The following NKAIN3 variants were observed in gnomAD, a reference collection of about 807,000 sequenced individuals.
NKAIN3 encodes the protein sodium/potassium transporting ATPase interacting 3, also known as sodium/potassium-transporting ATPase subunit beta-1-interacting protein 3.
Under a neutral mutation model 30.2 loss-of-function variants are expected in NKAIN3, and 25 were observed. That is an observed-to-expected ratio of 0.83 (90% CI 0.60 to 1.16). The LOEUF is 1.16. NKAIN3 is among the 50% of genes most tolerant of loss of function. The pLI, the probability that NKAIN3 is intolerant of heterozygous loss-of-function variation, is 0.00. For synonymous variants in NKAIN3, 91 were observed against 89.6 expected, an observed-to-expected ratio of 1.02 and a Z score of -0.09; for missense variants, 225 against 254.1, an observed-to-expected ratio of 0.89 and a Z score of 0.78.
chr8:62,559,276 T>A (rs1293252722), intron 1 of NKAIN3, among the ~76,000 whole-genome samples: 1 of 151,978 alleles, frequency 6.6e-6, no homozygotes, highest in Admixed American at 6.6e-5. Context: ...CATAATACAC[T>A]CATTTTTAGC....
chr8:62,507,090 A>G (rs1215737140), intron 1 of NKAIN3, among the ~76,000 whole-genome samples: 12 of 152,192 alleles, frequency 7.9e-5, no homozygotes. Flanking sequence ...CTGAATAAAG[A>G]TAATTTTATA....
chr8:62,985,020 CCCT>C (rs970469083), downstream of NKAIN3: 4 of 152,156 alleles, frequency 2.6e-5, no homozygotes, highest in African/African-American at 9.7e-5. Context: ...AGGATTACCC[CCCT>C]ATTTCATGCA....
chr8:62,795,177 G>A (rs1817823375), intron 4 of NKAIN3, among the ~76,000 whole-genome samples: 1 of 152,122 alleles, frequency 6.6e-6, no homozygotes, highest in South Asian at 2.1e-4. Flanking sequence ...CCACCAAGGA[G>A]GTCCCCCTTT....
intron 1 of NKAIN3, among the ~76,000 whole-genome samples, chr8:62,517,547 C>T (rs1327088506): frequency 6.6e-6 from 1 of 152,128 alleles, no homozygotes; most frequent in East Asian, 1.9e-4. Flanking sequence ...ACACATTTCA[C>T]TTCCACTCAT....
intron 1 of NKAIN3, among the ~76,000 whole-genome samples, chr8:62,350,021 A>G (rs1022552250): frequency 2.6e-5 from 4 of 152,194 alleles, no homozygotes; most frequent in Admixed American, 2.6e-4. Context: ...TGCATAGCTG[A>G]TGGGAATGTA....
At chr8:62,292,387 C>G (rs914794899) in intron 1 of NKAIN3, among the ~76,000 whole-genome samples, 3 of 152,116 alleles carry the variant, frequency 2.0e-5, no homozygotes, top group Admixed American at 6.5e-5. Flanking sequence ...TTGTTCCTTT[C>G]CATGTTTATT....
chr8:62,509,871 A>T (rs1012329224), intron 1 of NKAIN3, among the ~76,000 whole-genome samples: 12 of 152,276 alleles, frequency 7.9e-5, no homozygotes, highest in Admixed American at 3.3e-4. Flanking sequence ...GCATTCTATT[A>T]GGTGCAGGGA....
At chr8:62,912,234 C>A (rs974249382) in intron 4 of NKAIN3, among the ~76,000 whole-genome samples, 6 of 151,528 alleles carry the variant, frequency 4.0e-5, no homozygotes, top group Non-Finnish European at 7.4e-5. Context: ...AGTTAATAAG[C>A]CTGTATATTG....
downstream of NKAIN3, among the ~76,000 whole-genome samples, chr8:62,985,929 T>C (rs557773702): frequency 1.4e-4 from 21 of 152,338 alleles, no homozygotes; most frequent in African/African-American, 4.1e-4. Context: ...TTCATACTTT[T>C]TTTTCCATTT....
chr8:62,625,580 A>G (rs751762903), intron 3 of NKAIN3, among the ~76,000 whole-genome samples: 2 of 152,130 alleles, frequency 1.3e-5, no homozygotes, highest in Non-Finnish European at 2.9e-5. Flanking sequence ...CTCATCTGCT[A>G]ATGGGGACAA....
At chr8:62,461,019 G>C (rs1403507351) in intron 1 of NKAIN3, among the ~76,000 whole-genome samples, 1 of 152,158 alleles carries the variant, frequency 6.6e-6, no homozygotes, top group Non-Finnish European at 1.5e-5. Context: ...ACCTGTCCAG[G>C]GCTGTGCCTG....
intron 4 of NKAIN3, among the ~76,000 whole-genome samples, chr8:62,883,461 T>TTTTTTTTG (rs1563611161): frequency 6.9e-6 from 1 of 145,094 alleles, no homozygotes; most frequent in Non-Finnish European, 1.5e-5. Context: ...TTATGGGTTT[T>TTTTTTTTG]TTTTTTTTTT....
chr8:62,391,961 G>T (rs1468860653), intron 1 of NKAIN3, among the ~76,000 whole-genome samples: 20 of 151,706 alleles, frequency 1.3e-4, no homozygotes, highest in Admixed American at 1.3e-3. Context: ...ATTTATCTTT[G>T]GTGTATTAAT....
chr8:62,293,853 G>A (rs1813734716), intron 1 of NKAIN3, among the ~76,000 whole-genome samples: 1 of 152,192 alleles, frequency 6.6e-6, no homozygotes, highest in South Asian at 2.1e-4. Flanking sequence ...TACAGAGGCA[G>A]GCAGGCCTCC....
intron 2 of NKAIN3, among the ~76,000 whole-genome samples, chr8:62,588,261 G>A (rs1339185424): frequency 6.6e-6 from 1 of 151,694 alleles, no homozygotes; most frequent in African/African-American, 2.4e-5. Context: ...CTTACTAGAA[G>A]ACTTTATGAA....
intron 1 of NKAIN3, among the ~76,000 whole-genome samples, chr8:62,407,004 T>A (rs965374763): frequency 1.3e-4 from 20 of 152,214 alleles, no homozygotes; most frequent in African/African-American, 4.8e-4. Context: ...ACTGGCTGAA[T>A]TAGAATGTTT....
chr8:62,934,679 C>T (rs192911896), intron 5 of NKAIN3, among the ~76,000 whole-genome samples: 28 of 152,012 alleles, frequency 1.8e-4, no homozygotes, highest in Non-Finnish European at 2.9e-4. Flanking sequence ...CCAGAATAAG[C>T]GTATCAGTGA....
intron 4 of NKAIN3, among the ~76,000 whole-genome samples, chr8:62,914,466 G>C (rs7010773): frequency 6.6e-6 from 1 of 152,066 alleles, no homozygotes; most frequent in Admixed American, 6.5e-5. Context: ...TATGTAACAA[G>C]CCTTCACATG....
chr8:62,255,940 C>A (rs959605482), intron 1 of NKAIN3, among the ~76,000 whole-genome samples: 5 of 152,212 alleles, frequency 3.3e-5, no homozygotes, highest in Admixed American at 1.3e-4. Context: ...TTGCATGATT[C>A]TGAGGTAGAT....
Sources: gnomAD v4.1 joint callset for allele counts (sites outside exome capture counted in the v4.1 genomes callset) on GRCh38, gnomAD v4.1.1 for gene constraint, MANE v1.5 for transcripts, NCBI Gene and HGNC (gene_info 2026-07-23, HGNC 2026-07-21) for gene names.